DPYD: variants seen among roughly 807,000 people sequenced by gnomAD.
The protein encoded by DPYD is dihydropyrimidine dehydrogenase.
A neutral mutation model predicts 116.2 loss-of-function variants in DPYD; 109 were observed. The observed-to-expected ratio is 0.94, with a 90% CI of 0.80 to 1.10. The LOEUF (loss-of-function observed/expected upper bound fraction) is 1.10. Among genes scored for constraint, DPYD ranks in the 50% least tolerant of loss-of-function variants. The pLI is 0.00. For missense variants in DPYD, 1,302 were observed against 1,254.5 expected, an observed-to-expected ratio of 1.04 and a Z score of -0.57; for synonymous variants, 440 against 432.0, an observed-to-expected ratio of 1.02 and a Z score of -0.23.
chr1:97,233,510 T>C (rs1334557473), intron 19 of DPYD, among the ~76,000 whole-genome samples: 2 of 152,100 alleles, frequency 1.3e-5, no homozygotes, highest in Non-Finnish European at 2.9e-5. Flanking sequence ...ACTTGTCCTT[T>C]GCTTGCATGG....
At chr1:97,603,601 C>G (rs1655399295) in intron 8 of DPYD, among the ~76,000 whole-genome samples, 1 of 152,012 alleles carries the variant, frequency 6.6e-6, no homozygotes. Flanking sequence ...AATGTAATAT[C>G]AAAAGTATTA....
intron 16 of DPYD, among the ~76,000 whole-genome samples, chr1:97,328,355 T>C (rs1668809809): frequency 6.6e-6 from 1 of 152,186 alleles, no homozygotes; most frequent in Admixed American, 6.6e-5. Flanking sequence ...ATATAATACA[T>C]ATAAATCATG....
At chr1:97,879,103 T>C (rs981941532) in intron 2 of DPYD, among the ~76,000 whole-genome samples, 1 of 152,020 alleles carries the variant, frequency 6.6e-6, no homozygotes, top group African/African-American at 2.4e-5. Flanking sequence ...ACCATTCAGT[T>C]GTGGAACTGT....
Position 97,693,208 on chromosome 1 carries a change from G to C in DPYD, c.681-1410C>G, listed in dbSNP as rs560522224. ...TGGAAGGCTGAGGCAGGAGAATAGT[G>C]TGAACCCGGGAGGTGGAGCTTGCAG... On this transcript the variant is annotated intron_variant, in intron 6 of 22. Transcript: ENST00000370192. Among the ~76,000 whole-genome samples the C allele has an allele frequency of 4.8e-5, 7 of 145,932 alleles. No homozygotes were observed. In the East Asian group the frequency reaches 1.5e-3, roughly 31 times the overall value.
intron 2 of DPYD, among the ~76,000 whole-genome samples, chr1:97,867,970 C>G (rs945975294): frequency 6.6e-6 from 1 of 151,534 alleles, no homozygotes; most frequent in African/African-American, 2.4e-5. Flanking sequence ...GTATAGAAAA[C>G]CCGAAAGCCA....
At chr1:97,874,333 T>C (rs1482157458) in intron 2 of DPYD, among the ~76,000 whole-genome samples, 1 of 151,998 alleles carries the variant, frequency 6.6e-6, no homozygotes, top group Non-Finnish European at 1.5e-5. Context: ...AAATGCTTTG[T>C]GTACATTAAA....
At chr1:97,343,008 T>A (rs573931636) in intron 16 of DPYD, among the ~76,000 whole-genome samples, 30 of 152,098 alleles carry the variant, frequency 2.0e-4, no homozygotes, top group African/African-American at 5.8e-4. Flanking sequence ...AAAAAAACAC[T>A]CAAAGAAACA....
Position 97,732,434 on chromosome 1 carries a change from C to A in DPYD, c.321+7958G>T, listed in dbSNP as rs192802672. The stretch of plus-strand genomic sequence containing the variant: ...AGGTTTCAGTGAGCCGAGATTGTGC[C>A]ACTGCACTCCAGTCTGGCAACAGAG... On this transcript the variant is annotated intron_variant, in intron 4 of 22. Transcript: ENST00000370192. Among the ~76,000 whole-genome samples, 45 of 146,086 alleles carry A rather than the reference C, an allele frequency of 3.1e-4. No homozygotes were observed. In the East Asian group the frequency reaches 5.8e-3, roughly 19 times the overall value.
chr1:97,802,887 A>C (rs1173626554), intron 3 of DPYD, among the ~76,000 whole-genome samples: 3 of 151,860 alleles, frequency 2.0e-5, no homozygotes, highest in Non-Finnish European at 4.4e-5. Context: ...TGTTCGTTTA[A>C]TTCACAACAT....
intron 20 of DPYD, among the ~76,000 whole-genome samples, chr1:97,171,820 G>T (rs1656741880): frequency 6.6e-6 from 1 of 152,080 alleles, no homozygotes. Context: ...TGTTTTATAG[G>T]ATGAACACAT....
intron 14 of DPYD, among the ~76,000 whole-genome samples, chr1:97,410,848 C>A (rs1272970194): frequency 6.6e-6 from 1 of 152,056 alleles, no homozygotes; most frequent in Non-Finnish European, 1.5e-5. Flanking sequence ...ATTGCTTGAG[C>A]AGAATTGATA....
intron 20 of DPYD, among the ~76,000 whole-genome samples, chr1:97,191,210 TA>T: frequency 6.6e-6 from 1 of 150,804 alleles, no homozygotes; most frequent in East Asian, 1.9e-4. Flanking sequence ...AAAAGAAAAA[TA>T]AAAAAATTAT....
intron 16 of DPYD, among the ~76,000 whole-genome samples, chr1:97,367,767 A>G (rs141475301): frequency 6.6e-6 from 1 of 152,124 alleles, no homozygotes; most frequent in Non-Finnish European, 1.5e-5. Context: ...TCATACCTAC[A>G]ATGAAGGCAC....
At chr1:97,913,174 T>G (rs1469718446) in intron 1 of DPYD, among the ~76,000 whole-genome samples, 4 of 152,078 alleles carry the variant, frequency 2.6e-5, no homozygotes, top group African/African-American at 9.7e-5. Context: ...CAGGCGAAAT[T>G]TAGATTTAGC....
intron 18 of DPYD, among the ~76,000 whole-genome samples, chr1:97,264,171 T>TC (rs1167256050): frequency 1.1e-5 from 1 of 90,368 alleles, no homozygotes; most frequent in East Asian, 3.1e-4. Flanking sequence ...TGTTTTTTTT[T>TC]TTTTTTTTTT....
At chr1:97,185,029 C>T (rs753369663) in intron 20 of DPYD, among the ~76,000 whole-genome samples, 2 of 152,022 alleles carry the variant, frequency 1.3e-5, no homozygotes, top group South Asian at 2.1e-4. Context: ...TTTTTGTAGA[C>T]GTTTCCTTCT....
At chr1:97,240,270 T>C (rs1235167055) in intron 18 of DPYD, among the ~76,000 whole-genome samples, 1 of 151,822 alleles carries the variant, frequency 6.6e-6, no homozygotes, top group Non-Finnish European at 1.5e-5. Context: ...AAAATGTCCA[T>C]GGATTTTAAT....
chr1:97,863,504 G>A (rs941897229), intron 2 of DPYD, among the ~76,000 whole-genome samples: 28 of 151,798 alleles, frequency 1.8e-4, no homozygotes, highest in Admixed American at 2.6e-4. Flanking sequence ...TAAAGACTCA[G>A]AAGTAGTAAA....
At chr1:97,525,267 A>C (rs1408952617) in intron 12 of DPYD, among the ~76,000 whole-genome samples, 1 of 152,148 alleles carries the variant, frequency 6.6e-6, no homozygotes, top group Non-Finnish European at 1.5e-5. Context: ...TGATGGTTGC[A>C]TGACTCCATA....
Sources: allele counts gnomAD v4.1 joint callset (sites outside exome capture counted in the v4.1 genomes callset), GRCh38; gene constraint gnomAD v4.1.1; transcripts MANE v1.5; gene names NCBI Gene and HGNC (gene_info 2026-07-23, HGNC 2026-07-21).